Variants in STXBP4 observed in about 807,000 individuals in gnomAD.
STXBP4 encodes syntaxin-binding protein 4.
Under a neutral mutation model 76.1 loss-of-function variants are expected in STXBP4, and 55 were observed. The observed-to-expected ratio is 0.72, with a 90% CI of 0.58 to 0.91. The LOEUF is 0.91. STXBP4 is among the 40% of genes least tolerant of loss of function. The pLI, the probability that STXBP4 is intolerant of heterozygous loss-of-function variation, is 0.00. For missense variants in STXBP4, 618 were observed against 636.9 expected (o/e 0.97, Z 0.32); for synonymous variants, 201 against 220.2 (o/e 0.91, Z 0.77).
the STXBP4 span, among the ~76,000 whole-genome samples, chr17:55,196,671 A>C: frequency 0.087 from 13,183 of 152,180 alleles, 1,215 homozygotes; most frequent in African/African-American, 0.23. Context: ...TAAGATATAC[A>C]TCTCTCCAGC....
intron 12 of STXBP4, among the ~76,000 whole-genome samples, chr17:55,051,987 A>G (rs2078865579): frequency 6.6e-6 from 1 of 152,134 alleles, no homozygotes; most frequent in South Asian, 2.1e-4. Flanking sequence ...TTAATACCCC[A>G]GTAAGCCTAT....
chr17:55,150,189 G>A (rs1475940138), intron 17 of STXBP4, among the ~76,000 whole-genome samples: 2 of 152,136 alleles, frequency 1.3e-5, no homozygotes, highest in African/African-American at 2.4e-5. Context: ...TGCTAGGGCT[G>A]CCGTAACAAA....
chr17:55,041,488 C>T (rs76465429), intron 10 of STXBP4, among the ~76,000 whole-genome samples: 159 of 152,130 alleles, frequency 1.0e-3, no homozygotes, highest in African/African-American at 3.7e-3. Flanking sequence ...AATGTGCTGG[C>T]ATTACAGACC....
the STXBP4 span, among the ~76,000 whole-genome samples, chr17:55,197,604 G>T: frequency 6.6e-6 from 1 of 152,118 alleles, no homozygotes; most frequent in Admixed American, 6.5e-5. Context: ...TCAGCCAGGC[G>T]TGGTGGCATG....
intron 12 of STXBP4, among the ~76,000 whole-genome samples, chr17:55,071,260 G>C (rs2079115912): frequency 6.6e-6 from 1 of 152,006 alleles, no homozygotes; most frequent in Admixed American, 6.6e-5. Context: ...CAAAGTCCTT[G>C]CAACGGCCTA....
intron 8 of STXBP4, among the ~76,000 whole-genome samples, chr17:55,022,714 T>C (rs1835878254): frequency 6.6e-6 from 1 of 152,152 alleles, no homozygotes; most frequent in Non-Finnish European, 1.5e-5. Flanking sequence ...AGGGAAAAAC[T>C]TCTGAGATAT....
At chr17:55,030,958 G>C (rs1053516226) in intron 8 of STXBP4, 5 of 458,098 alleles carry the variant, frequency 1.1e-5, no homozygotes, top group African/African-American at 9.8e-5. Flanking sequence ...TAAAGTGCTA[G>C]TCTTGGGGAA....
At chr17:55,178,985 G>A in the STXBP4 span, among the ~76,000 whole-genome samples, 9 of 152,128 alleles carry the variant, frequency 5.9e-5, no homozygotes, top group Non-Finnish European at 1.3e-4. Context: ...GGCACTCTGT[G>A]CCCCAGTCAA....
At chr17:54,996,343 C>G (rs1227753715) in intron 4 of STXBP4, among the ~76,000 whole-genome samples, 3 of 151,068 alleles carry the variant, frequency 2.0e-5, no homozygotes, top group African/African-American at 7.3e-5. Context: ...GAAGAATATG[C>G]TGGTGTGGAA....
At chr17:55,196,140 T>C in the STXBP4 span, among the ~76,000 whole-genome samples, 1 of 152,190 alleles carries the variant, frequency 6.6e-6, no homozygotes, top group Non-Finnish European at 1.5e-5. Flanking sequence ...GGCTCAGCAA[T>C]GACTTGATTG....
intron 13 of STXBP4, 103 bp from the exon 14 acceptor site, chr17:55,077,975 T>A: frequency 2.9e-6 from 2 of 699,566 alleles, no homozygotes; most frequent in South Asian, 4.4e-5. Flanking sequence ...GAGAAAAAGA[T>A]AATTTGGTAA....
At chr17:55,185,293 CCTTCTCCTTCTCCTT>C in the STXBP4 span, among the ~76,000 whole-genome samples, 2 of 113,554 alleles carry the variant, frequency 1.8e-5, no homozygotes, top group African/African-American at 7.3e-5. Flanking sequence ...TTCTCCTTCT[CCTTCTCCTTCTCCTT>C]CTCCTTCTCC....
At chr17:55,070,331 C>G (rs2079105482) in intron 12 of STXBP4, among the ~76,000 whole-genome samples, 1 of 152,134 alleles carries the variant, frequency 6.6e-6, no homozygotes, top group South Asian at 2.1e-4. Context: ...GCCATTATCT[C>G]CTGTATGCAC....
downstream of STXBP4, among the ~76,000 whole-genome samples, chr17:55,178,119 A>AT (rs1161654462): frequency 6.6e-6 from 1 of 152,250 alleles, no homozygotes; most frequent in Non-Finnish European, 1.5e-5. Flanking sequence ...TTGGTGATAT[A>AT]TCATGTTAGA....
chr17:55,187,204 C>A, the STXBP4 span, among the ~76,000 whole-genome samples: 1 of 152,114 alleles, frequency 6.6e-6, no homozygotes, highest in East Asian at 1.9e-4. Context: ...GCAGCATGCA[C>A]CCTCATAGGC....
intron 16 of STXBP4, among the ~76,000 whole-genome samples, chr17:55,132,982 A>G (rs1347454766): frequency 6.6e-6 from 1 of 152,190 alleles, no homozygotes; most frequent in Non-Finnish European, 1.5e-5. Flanking sequence ...CACATTGAAC[A>G]TAAATAATTA....
chr17:55,053,679 A>G (rs917816928), intron 12 of STXBP4, among the ~76,000 whole-genome samples: 1 of 151,978 alleles, frequency 6.6e-6, no homozygotes, highest in Admixed American at 6.6e-5. Context: ...CCCTCATTTT[A>G]TTAAATATTT....
At chr17:55,194,172 G>T in the STXBP4 span, among the ~76,000 whole-genome samples, 2 of 152,102 alleles carry the variant, frequency 1.3e-5, no homozygotes, top group African/African-American at 4.8e-5. Context: ...ACAGAAAAAG[G>T]TCATACAACT....
intron 16 of STXBP4, among the ~76,000 whole-genome samples, chr17:55,121,027 C>T (rs1443183053): frequency 6.6e-6 from 1 of 152,078 alleles, no homozygotes; most frequent in Non-Finnish European, 1.5e-5. Context: ...GGTTTTTCCT[C>T]CCATTTCCTT....
Sources: allele counts gnomAD v4.1 joint callset (sites outside exome capture counted in the v4.1 genomes callset), GRCh38; gene constraint gnomAD v4.1.1; transcripts MANE v1.5; gene names NCBI Gene and HGNC (gene_info 2026-07-23, HGNC 2026-07-21).